DCAF6: variants seen among roughly 807,000 people sequenced by gnomAD.
The protein encoded by DCAF6 is DDB1- and CUL4-associated factor 6.
DCAF6 carries 54 observed loss-of-function variants against 125.1 expected under a neutral mutation model. The ratio of observed to expected loss-of-function variants is 0.43; its 90% CI spans 0.35 to 0.54. The LOEUF (loss-of-function observed/expected upper bound fraction) is 0.54, where lower values mean the gene tolerates loss of function less well. DCAF6 is among the 20% of genes least tolerant of loss of function. DCAF6 has a pLI of 0.01. For missense variants in DCAF6, 934 were observed against 1,161.7 expected, an observed-to-expected ratio of 0.80 and a Z score of 2.85; for synonymous variants, 371 against 390.4, an observed-to-expected ratio of 0.95 and a Z score of 0.58.
the DCAF6 span, among the ~76,000 whole-genome samples, chr1:167,894,512 T>C: frequency 6.6e-6 from 1 of 151,880 alleles, no homozygotes; most frequent in Non-Finnish European, 1.5e-5. Flanking sequence ...TGCTCTAGGA[T>C]AGACTGATAA....
chr1:167,924,389 A>G, the DCAF6 span: 1 of 848,698 alleles, frequency 1.2e-6, no homozygotes, highest in Non-Finnish European at 1.8e-6. Flanking sequence ...ATCTAGAGGC[A>G]TACCAAGAAT....
At chr1:167,987,318 T>G (rs896620556) in intron 4 of DCAF6, among the ~76,000 whole-genome samples, 177 bp from the exon 5 acceptor site, 3 of 152,218 alleles carry the variant, frequency 2.0e-5, no homozygotes, top group African/African-American at 7.2e-5. Context: ...TTACTTCTTA[T>G]CTATTTCTAT....
chr1:168,036,488 C>G (rs766309972), intron 12 of DCAF6, among the ~76,000 whole-genome samples: 1 of 152,188 alleles, frequency 6.6e-6, no homozygotes, highest in Non-Finnish European at 1.5e-5. Flanking sequence ...CTAGCCCGAA[C>G]TCAGTCTCTC....
chr1:168,058,312 G>A (rs1190592727), intron 17 of DCAF6, among the ~76,000 whole-genome samples: 2 of 152,088 alleles, frequency 1.3e-5, no homozygotes, highest in Non-Finnish European at 2.9e-5. Flanking sequence ...AGTTTTTCTT[G>A]CGTATATACC....
At chr1:167,889,941 A>G in the DCAF6 span, among the ~76,000 whole-genome samples, 2 of 152,110 alleles carry the variant, frequency 1.3e-5, no homozygotes, top group African/African-American at 2.4e-5. Context: ...CTTAGTTAAC[A>G]TGGCTGAAAG....
chr1:168,049,581 G>A (rs951927643), intron 16 of DCAF6, among the ~76,000 whole-genome samples: 6 of 146,944 alleles, frequency 4.1e-5, no homozygotes, highest in African/African-American at 1.0e-4. Context: ...GTTAAGAAAC[G>A]TAAATATATG....
intron 20 of DCAF6, 124 bp downstream of exon 20, chr1:168,066,589 A>AT (rs921213393): frequency 3.3e-6 from 2 of 602,940 alleles, no homozygotes; most frequent in Non-Finnish European, 5.7e-6. Context: ...AGGAGGTCAA[A>AT]TTTTAAGAAA....
intron 16 of DCAF6, among the ~76,000 whole-genome samples, chr1:168,050,229 A>G (rs544289450): frequency 1.3e-5 from 2 of 152,278 alleles, no homozygotes; most frequent in South Asian, 4.1e-4. Context: ...TTATTTTCAT[A>G]GAAATTTGGT....
chr1:167,935,990 C>T (rs1432726408), upstream of DCAF6: 2 of 648,920 alleles, frequency 3.1e-6, no homozygotes, highest in African/African-American at 1.8e-5. Flanking sequence ...TTTCCCTGCC[C>T]GCTGTGAACC....
At chr1:168,007,705 T>A (rs1683526967) in intron 10 of DCAF6, among the ~76,000 whole-genome samples, 1 of 152,190 alleles carries the variant, frequency 6.6e-6, no homozygotes, top group African/African-American at 2.4e-5. Flanking sequence ...TTTCAGTAAC[T>A]GTTGTTCGTG....
chr1:167,994,399 A>G (rs992379542), intron 7 of DCAF6, among the ~76,000 whole-genome samples: 2 of 152,166 alleles, frequency 1.3e-5, no homozygotes, highest in Non-Finnish European at 2.9e-5. Context: ...CCATGGATCA[A>G]TAGAAGTTTT....
At chr1:167,883,961 T>C in the DCAF6 span, among the ~76,000 whole-genome samples, 1 of 152,192 alleles carries the variant, frequency 6.6e-6, no homozygotes, top group Non-Finnish European at 1.5e-5. Flanking sequence ...AATTTAAAAT[T>C]TTTTAATTTT....
upstream of DCAF6, among the ~76,000 whole-genome samples, chr1:167,933,156 T>A (rs1037741104): frequency 2.7e-5 from 4 of 149,584 alleles, no homozygotes; most frequent in Admixed American, 6.7e-5. Flanking sequence ...TATCTATACA[T>A]AAAAACACAT....
intron 4 of DCAF6, among the ~76,000 whole-genome samples, chr1:167,984,408 G>C (rs1303736964): frequency 6.6e-6 from 1 of 152,156 alleles, no homozygotes; most frequent in Admixed American, 6.5e-5. Context: ...TTATAATAGT[G>C]TGAGTACAGC....
At chr1:167,881,550 C>G in the DCAF6 span, among the ~76,000 whole-genome samples, 1 of 152,200 alleles carries the variant, frequency 6.6e-6, no homozygotes, top group Non-Finnish European at 1.5e-5. Context: ...GAGCTTTTGC[C>G]TGCAAATTTA....
intron 4 of DCAF6, among the ~76,000 whole-genome samples, chr1:167,982,240 T>G (rs991987289): frequency 6.6e-6 from 1 of 152,138 alleles, no homozygotes. Flanking sequence ...CTTGTTTAAT[T>G]TTTTAAGTTC....
intron 17 of DCAF6, among the ~76,000 whole-genome samples, chr1:168,054,763 A>G (rs937497759): frequency 1.1e-4 from 17 of 152,218 alleles, no homozygotes; most frequent in African/African-American, 4.1e-4. Flanking sequence ...AAGAACTACT[A>G]AGCTAATATA....
chr1:168,047,868 G>A (rs558822166), intron 16 of DCAF6, among the ~76,000 whole-genome samples: 1 of 151,794 alleles, frequency 6.6e-6, no homozygotes, highest in Non-Finnish European at 1.5e-5. Flanking sequence ...TATCTAAATC[G>A]GTTATTATAA....
chr1:167,975,138 T>C, intron 4 of DCAF6, 123 bp downstream of exon 4: 1 of 505,350 alleles, frequency 2.0e-6, no homozygotes, highest in Non-Finnish European at 3.3e-6. Flanking sequence ...TTGATGCATA[T>C]AAATTATTGA....
Sources: allele counts gnomAD v4.1 joint callset (sites outside exome capture counted in the v4.1 genomes callset), GRCh38; gene constraint gnomAD v4.1.1; transcripts MANE v1.5; gene names NCBI Gene and HGNC (gene_info 2026-07-23, HGNC 2026-07-21).